Variants in NME7 observed in about 807,000 individuals in gnomAD.
NME7 encodes NME/NM23 family member 7.
A neutral mutation model predicts 49.1 loss-of-function variants in NME7; 41 were observed. The observed-to-expected ratio is 0.83, with a 90% confidence interval of 0.65 to 1.08. The LOEUF (loss-of-function observed/expected upper bound fraction) is 1.08. Ranked by LOEUF, NME7 falls within the 50% of genes least tolerant of loss-of-function variation. The pLI is 0.00. For missense variants in NME7, 423 were observed against 463.4 expected (o/e 0.91, Z 0.80); for synonymous variants, 139 against 150.6 (o/e 0.92, Z 0.56).
In NME7 at chr1:169,275,759, G is replaced by A. The variant is rs1213054225; in HGVS notation, c.754+11544C>T. 6.0e-5 allele frequency among the ~76,000 whole-genome samples: 8 copies of A among 133,074 alleles called. 3 individuals carry two copies. Among genetic ancestry groups the A allele is most frequent in the South Asian group, 2.3e-4 (1 of 4,342 alleles). 87.3% of individuals were successfully genotyped at this position (133,074 alleles called of 152,430 possible). On this transcript the variant is annotated intron_variant, in intron 7 of 11. Transcript: ENST00000367811. ...TGGTGAGAGAGGGCATCCCTGTCCT[G>A]TGCCAGTTTTCAAATGGAATGCTTC...
At chr1:169,288,676 C>A (rs1280440563) in intron 6 of NME7, among the ~76,000 whole-genome samples, 1 of 152,090 alleles carries the variant, frequency 6.6e-6, no homozygotes, top group Non-Finnish European at 1.5e-5. Context: ...TGAGCATTTC[C>A]AGTGGTAAGA....
At position 169,154,371 on chromosome 1, in the gene NME7, T is replaced by A. The variant is rs371857358; in HGVS notation, c.1098+15076A>T. Among the ~76,000 whole-genome samples the A allele has an allele frequency of 2.7e-4, 41 of 152,238 alleles. 1 individual carries two copies. In the South Asian group the frequency reaches 5.6e-3, roughly 21 times the overall value. On this transcript the variant is annotated intron_variant, in intron 11 of 11. Transcript: ENST00000367811. ...ATGACTGCGGATTCATATCAATGAA[T>A]GAATGAAATTTAAATAAAATAACAT... is the stretch of plus-strand genomic sequence containing the variant.
chr1:169,219,538 T>G (rs1661077009), intron 10 of NME7, among the ~76,000 whole-genome samples: 1 of 151,180 alleles, frequency 6.6e-6, no homozygotes, highest in African/African-American at 2.4e-5. Context: ...CATTCTGTAC[T>G]TCTCACTAAG....
intron 10 of NME7, among the ~76,000 whole-genome samples, chr1:169,213,678 T>A: frequency 6.6e-6 from 1 of 152,118 alleles, no homozygotes; most frequent in African/African-American, 2.4e-5. Context: ...AACTGAAAAA[T>A]TTTCCTGGTC....
chr1:169,190,574 T>C, intron 10 of NME7: 1 of 395,944 alleles, frequency 2.5e-6, no homozygotes, highest in East Asian at 8.5e-5. Flanking sequence ...ACTTTAGTAA[T>C]TAGGAAGAAA....
At chr1:169,146,244 A>G (rs1179411542) in intron 11 of NME7, among the ~76,000 whole-genome samples, 2 of 152,212 alleles carry the variant, frequency 1.3e-5, no homozygotes, top group African/African-American at 2.4e-5. Context: ...AATAATAAAT[A>G]CATCTGTGGT....
In NME7 at chr1:169,207,159, T is replaced by C. The variant is rs1080268; in HGVS notation, c.990+23559A>G. On this transcript the variant is annotated intron_variant, in intron 10 of 11. Transcript: ENST00000367811. Reference sequence around the variant, plus strand: ...CTCATGGTGGAAGGTGAAGGGGAAGTGGCATGCAGAGATCACAGGGTAAGG... The same window carrying C: ...CTCATGGTGGAAGGTGAAGGGGAAGCGGCATGCAGAGATCACAGGGTAAGG... Among the ~76,000 whole-genome samples, 8,345 of 152,060 alleles carry C rather than the reference T, an allele frequency of 0.055. 1,370 individuals are homozygous for C. The East Asian group carries it at 0.66, about 12-fold the overall frequency.
intron 10 of NME7, 76 bp from the exon 11 acceptor site, chr1:169,169,630 C>T (rs3737681): frequency 0.41 from 528,165 of 1,303,778 alleles, 110,066 homozygotes; most frequent in East Asian, 0.69. Context: ...CTATATGAAA[C>T]GCTAACTTAT....
chr1:169,200,898 C>G (rs1018200017), intron 10 of NME7, among the ~76,000 whole-genome samples: 8 of 152,134 alleles, frequency 5.3e-5, no homozygotes, highest in Non-Finnish European at 1.0e-4. Flanking sequence ...GATGCATTGG[C>G]CTCACCATCC....
chr1:169,160,166 T>C (rs1282340368), intron 11 of NME7, among the ~76,000 whole-genome samples: 1 of 152,156 alleles, frequency 6.6e-6, no homozygotes, highest in Non-Finnish European at 1.5e-5. Flanking sequence ...TAGAAAAGCA[T>C]TCGGTCCCTT....
intron 7 of NME7, among the ~76,000 whole-genome samples, chr1:169,277,750 G>C (rs1449154449): frequency 9.4e-5 from 10 of 106,210 alleles, no homozygotes; most frequent in African/African-American, 1.9e-4. Context: ...TGGTTATTTT[G>C]CTCGTTAGTT....
intron 1 of NME7, among the ~76,000 whole-genome samples, chr1:169,326,795 A>G (rs1167482334): frequency 6.6e-6 from 1 of 152,202 alleles, no homozygotes; most frequent in Non-Finnish European, 1.5e-5. Flanking sequence ...TTGGGATAAA[A>G]CATCACAGTG....
chr1:169,199,484 TTA>T (rs1660484941), intron 10 of NME7, among the ~76,000 whole-genome samples: 1 of 146,922 alleles, frequency 6.8e-6, no homozygotes, highest in African/African-American at 2.5e-5. Flanking sequence ...ATTATTATTA[TTA>T]TTATTATTTT....
chr1:169,294,819 T>C (rs1360903214), intron 6 of NME7, among the ~76,000 whole-genome samples: 4 of 152,168 alleles, frequency 2.6e-5, no homozygotes, highest in Admixed American at 2.0e-4. Context: ...TTAGGTGAAA[T>C]GGCAATGGTA....
At position 169,166,508 on chromosome 1, in the gene NME7, A is replaced by G. The variant is rs1341150070; in HGVS notation, c.1098+2939T>C. On this transcript the variant is annotated intron_variant, in intron 11 of 11. Coordinates refer to ENST00000367811, the MANE Select transcript of NME7 (RefSeq NM_013330.5). The stretch of plus-strand genomic sequence containing the variant: ...TATTACTAAGAACTATATGAAAAAA[A>G]GTGACTCTACTGCTTGCATAAAAGG... Among the ~76,000 whole-genome samples the G allele has an allele frequency of 2.0e-5, 3 of 152,330 alleles. No homozygotes were observed. The East Asian group carries it at 5.8e-4, about 29-fold the overall frequency.
At chr1:169,194,062 A>G (rs1660306858) in intron 10 of NME7, among the ~76,000 whole-genome samples, 1 of 152,156 alleles carries the variant, frequency 6.6e-6, no homozygotes, top group Non-Finnish European at 1.5e-5. Flanking sequence ...GGCAAAAAAG[A>G]CTGATACAAG....
intron 10 of NME7, among the ~76,000 whole-genome samples, chr1:169,176,894 G>A (rs1456770631): frequency 3.3e-5 from 5 of 152,156 alleles, no homozygotes; most frequent in Middle Eastern, 3.4e-3. Flanking sequence ...ATAAACATTA[G>A]CATAGAGGAT....
chr1:169,169,315 C>T, intron 11 of NME7, 132 bp downstream of exon 11: 1 of 720,536 alleles, frequency 1.4e-6, no homozygotes, highest in South Asian at 1.7e-5. Context: ...TGTAACAAAA[C>T]TGCACTCTCT....
intron 5 of NME7, chr1:169,301,967 C>T (rs1488435662): frequency 1.3e-5 from 2 of 152,094 alleles, no homozygotes; most frequent in Non-Finnish European, 2.9e-5. Flanking sequence ...GTACTATACT[C>T]ACTACCTGGA....
Sources: gnomAD v4.1 joint callset for allele counts (sites outside exome capture counted in the v4.1 genomes callset) on GRCh38, gnomAD v4.1.1 for gene constraint, MANE v1.5 for transcripts, NCBI Gene and HGNC (gene_info 2026-07-23, HGNC 2026-07-21) for gene names.